The following SAMD5 variants were observed in gnomAD, a reference collection of about 807,000 sequenced individuals.
SAMD5 encodes the protein sterile alpha motif domain-containing protein 5.
A neutral mutation model predicts 11.3 loss-of-function variants in SAMD5; 13 were observed. The observed-to-expected ratio is 1.15, with a 90% CI of 0.75 to 1.83. The LOEUF (loss-of-function observed/expected upper bound fraction) is 1.83, where lower values mean the gene tolerates loss of function less well. Ranked by LOEUF, SAMD5 falls within the 40% of genes most tolerant of loss-of-function variation. SAMD5 has a pLI of 0.00. For missense variants in SAMD5, 255 were observed against 239.1 expected (o/e 1.07, Z -0.44); for synonymous variants, 129 against 111.3 (o/e 1.16, Z -1.00).
At chr6:147,941,994 C>T in the SAMD5 span, among the ~76,000 whole-genome samples, 1 of 152,150 alleles carries the variant, frequency 6.6e-6, no homozygotes, top group East Asian at 1.9e-4. Flanking sequence ...CTGCCTCAGC[C>T]TCCTGAATAG....
chr6:147,621,769 C>A (rs1038000693), intron 1 of SAMD5, among the ~76,000 whole-genome samples: 1 of 152,124 alleles, frequency 6.6e-6, no homozygotes, highest in Middle Eastern at 3.2e-3. Context: ...GGGGCCATGG[C>A]AGGCATTTTT....
intron 1 of SAMD5, among the ~76,000 whole-genome samples, chr6:147,510,110 T>C (rs999542232): frequency 2.6e-5 from 4 of 152,146 alleles, no homozygotes; most frequent in African/African-American, 9.7e-5. Context: ...CCAGATAAGA[T>C]GAAGTAGGTA....
the SAMD5 span, among the ~76,000 whole-genome samples, chr6:147,800,535 C>T: frequency 6.6e-6 from 1 of 152,250 alleles, no homozygotes; most frequent in African/African-American, 2.4e-5. Context: ...TGTCTGTGCC[C>T]TGCCCGCAGA....
At chr6:147,892,583 C>T in the SAMD5 span, among the ~76,000 whole-genome samples, 3 of 152,132 alleles carry the variant, frequency 2.0e-5, no homozygotes, top group African/African-American at 7.2e-5. Flanking sequence ...TGGTTCCCTC[C>T]TTGAGTTACA....
chr6:147,567,409 T>C lies in SAMD5; in HGVS notation c.*2953T>C, dbSNP rs1481137696. 11 of 984,428 alleles carry C rather than the reference T, an allele frequency of 1.1e-5. No homozygotes were observed. The highest frequency in any genetic ancestry group is 1.3e-5 in the Non-Finnish European group (11 of 829,120). 61.0% of individuals were successfully genotyped at this position (984,428 alleles called of 1,614,324 possible). ...GTTACTCAGATCTGAGTTTAAATTC[T>C]AAAATTATTCTAGTAGTATTTTCCT... is the stretch of plus-strand genomic sequence containing the variant. On this transcript the variant is annotated 3_prime_UTR_variant, in exon 2 of 2. Coordinates refer to ENST00000367474, the MANE Select transcript of SAMD5 (RefSeq NM_001030060.3).
At chr6:147,540,945 T>TG (rs1562316019) in intron 1 of SAMD5, among the ~76,000 whole-genome samples, 1 of 139,510 alleles carries the variant, frequency 7.2e-6, no homozygotes, top group East Asian at 2.2e-4. Context: ...TTTTTTTTTT[T>TG]TTTTTTTTTT....
chr6:147,678,156 G>A (rs934038983), intron 1 of SAMD5, among the ~76,000 whole-genome samples: 2 of 152,186 alleles, frequency 1.3e-5, no homozygotes, highest in South Asian at 2.1e-4. Flanking sequence ...GAAGGCAAAG[G>A]CAACTCTTAT....
chr6:147,748,221 C>T, the SAMD5 span, among the ~76,000 whole-genome samples: 6 of 152,290 alleles, frequency 3.9e-5, no homozygotes, highest in African/African-American at 9.6e-5. Flanking sequence ...AAAAGATGTC[C>T]CTTACTCAAG....
intron 1 of SAMD5, among the ~76,000 whole-genome samples, chr6:147,532,462 A>C (rs922778158): frequency 1.3e-5 from 2 of 152,182 alleles, no homozygotes; most frequent in South Asian, 4.1e-4. Flanking sequence ...TTGCTGCAAA[A>C]AACATTATTT....
At chr6:147,897,449 A>G in the SAMD5 span, among the ~76,000 whole-genome samples, 2 of 152,142 alleles carry the variant, frequency 1.3e-5, no homozygotes, top group African/African-American at 2.4e-5. Context: ...GTGGAAAATG[A>G]CTGGAGCATG....
At chr6:147,941,858 TTTG>T in the SAMD5 span, among the ~76,000 whole-genome samples, 15,352 of 151,908 alleles carry the variant, frequency 0.1, 1,046 homozygotes, top group South Asian at 0.29. Context: ...AGTTGGTTTG[TTTG>T]TTTGTTTGTT....
chr6:147,596,498 A>T lies in SAMD5; in HGVS notation c.162+87111A>T, dbSNP rs1031094594. ...TATATATGAATTATAATGGAGACTAATGTTCATTCTCTACAAATATATTTT... is the reference window on the plus strand; with the variant it reads ...TATATATGAATTATAATGGAGACTATTGTTCATTCTCTACAAATATATTTT... On this transcript the variant is annotated intron_variant, in intron 1 of 1. Coordinates refer to the SAMD5 transcript ENST00000566741. Among the ~76,000 whole-genome samples the T allele has an allele frequency of 3.8e-4, 57 of 151,980 alleles. 2 individuals are homozygous for T.
intron 1 of SAMD5, among the ~76,000 whole-genome samples, chr6:147,522,638 C>A (rs1408882435): frequency 1.3e-5 from 2 of 152,200 alleles, no homozygotes; most frequent in East Asian, 3.8e-4. Flanking sequence ...ATTATACATT[C>A]TTTTACACTA....
intron 1 of SAMD5, among the ~76,000 whole-genome samples, chr6:147,613,450 A>C (rs2128449344): frequency 6.6e-6 from 1 of 151,992 alleles, no homozygotes; most frequent in African/African-American, 2.4e-5. Context: ...AGAGACAGGG[A>C]TTATTCTCTC....
chr6:147,565,707 G>T lies in SAMD5; in HGVS notation c.*1251G>T. ...ACTCCTGGCCTCAAATGATCCACTC[G>T]CCGTGGCCTCCAGTAGCGCTGGGAT... On this transcript the variant is annotated 3_prime_UTR_variant, in exon 2 of 2. Coordinates refer to ENST00000367474, the MANE Select transcript of SAMD5 (RefSeq NM_001030060.3). 8 of 908,048 alleles carry T rather than the reference G, an allele frequency of 8.8e-6. No individual in the cohort carries two copies. The highest frequency in any genetic ancestry group is 1.1e-5 in the Non-Finnish European group (8 of 759,760). The allele number at this position is 908,048 out of a possible 1,614,324, so 56.2% of individuals were successfully genotyped here.
chr6:147,568,755 A>T lies in SAMD5; in HGVS notation c.*4299A>T. 1.0e-6 allele frequency: 1 copy of T among 975,880 alleles called. No homozygotes were observed. Among genetic ancestry groups the T allele is most frequent in the South Asian group, 4.7e-5 (1 of 21,096 alleles). The allele number at this position is 975,880 out of a possible 1,614,324, so 60.5% of individuals were successfully genotyped here. On this transcript the variant is annotated 3_prime_UTR_variant, in exon 2 of 2. Coordinates refer to ENST00000367474, the MANE Select transcript of SAMD5 (RefSeq NM_001030060.3). ...CTCCCTCAGTTGTCATCAATTACAT[A>T]TTCCTACATCAGATATTTTACACTA...
At chr6:147,848,741 G>A in the SAMD5 span, among the ~76,000 whole-genome samples, 2 of 152,294 alleles carry the variant, frequency 1.3e-5, no homozygotes, top group South Asian at 4.1e-4. Context: ...CACACGTTGT[G>A]AGACATGATG....
chr6:147,917,263 A>T, the SAMD5 span, among the ~76,000 whole-genome samples: 1 of 143,890 alleles, frequency 6.9e-6, no homozygotes, highest in Admixed American at 7.0e-5. Context: ...CAGGTGTGAG[A>T]TGGTATCTCA....
At chr6:147,619,267 A>G (rs1183506120) in intron 1 of SAMD5, among the ~76,000 whole-genome samples, 4 of 152,228 alleles carry the variant, frequency 2.6e-5, no homozygotes, top group African/African-American at 9.6e-5. Context: ...ATTTGAAATG[A>G]ATTATTGACA....
Sources: allele counts gnomAD v4.1 joint callset (sites outside exome capture counted in the v4.1 genomes callset), GRCh38; gene constraint gnomAD v4.1.1; transcripts MANE v1.5; gene names NCBI Gene and HGNC (gene_info 2026-07-23, HGNC 2026-07-21).